The following PRAG1 variants were observed in gnomAD, a reference collection of about 807,000 sequenced individuals.
The protein encoded by PRAG1 is inactive tyrosine-protein kinase PRAG1.
A neutral mutation model predicts 95.6 loss-of-function variants in PRAG1; 110 were observed. The observed-to-expected ratio is 1.15, with a 90% CI of 0.99 to 1.35. The LOEUF (loss-of-function observed/expected upper bound fraction) is 1.35, where lower values mean the gene tolerates loss of function less well. Ranked by LOEUF, PRAG1 falls within the 40% of genes most tolerant of loss-of-function variation. The probability of loss-of-function intolerance (pLI) is 0.00; values close to 1 mark genes in which losing one functional copy is unlikely to be tolerated. For missense variants in PRAG1, 2,554 were observed against 1,864.7 expected, an observed-to-expected ratio of 1.37 and a Z score of -6.81; for synonymous variants, 1,052 against 819.4, an observed-to-expected ratio of 1.28 and a Z score of -4.85.
intron 1 of PRAG1, among the ~76,000 whole-genome samples, chr8:8,384,608 CAA>C (rs11400182): frequency 0.41 from 38,511 of 93,068 alleles, 6,511 homozygotes; most frequent in East Asian, 0.72. Context: ...CGCATGCAGC[CAA>C]AAAAAAAAAA....
intron 4 of PRAG1, among the ~76,000 whole-genome samples, chr8:8,337,217 T>C (rs9329269): frequency 0.32 from 48,526 of 151,862 alleles, 8,116 homozygotes; most frequent in African/African-American, 0.43. Flanking sequence ...ACTAGTTCTT[T>C]TTCTATTTGG....
chr8:8,346,306 G>C (rs1158674686), intron 3 of PRAG1, among the ~76,000 whole-genome samples: 2 of 152,230 alleles, frequency 1.3e-5, no homozygotes, highest in Admixed American at 6.5e-5. Context: ...TCTACAGTGA[G>C]AGTACAGTCT....
At chr8:8,378,373 A>C (rs1003704083) in intron 2 of PRAG1, among the ~76,000 whole-genome samples, 24 of 152,294 alleles carry the variant, frequency 1.6e-4, no homozygotes, top group African/African-American at 5.5e-4. Context: ...AGAAAAATAT[A>C]ACTCTGAAAA....
rs199707534 is a variant in PRAG1 at position 8,328,309 on chromosome 8, C to G, written c.2473G>C (p.Ala825Pro). The G allele has an allele frequency of 9.4e-5, 151 of 1,613,822 alleles. No homozygotes were observed. The East Asian group carries it at 3.1e-3, about 33-fold the overall frequency. ...LPQKKIVSRA[A>P]SSPDGFFWTQ... ...CAGAAGAAGCCATCCGGTGAAGAGG[C>G]TGCCCGGCTCACTATCTTTTTCTGG... The change falls in exon 5 of 6, where the codon GCC becomes CCC. Residue 825 changes from alanine to proline, a missense_variant. Coordinates refer to ENST00000615670, the MANE Select transcript of PRAG1 (RefSeq NM_001080826.3).
intron 3 of PRAG1, among the ~76,000 whole-genome samples, chr8:8,343,020 G>A (rs1433513226): frequency 6.6e-6 from 1 of 151,974 alleles, no homozygotes; most frequent in African/African-American, 2.4e-5. Context: ...TACTAATAAA[G>A]TACTGGTAGG....
intron 2 of PRAG1, 131 bp from the exon 3 acceptor site, chr8:8,378,209 G>T: frequency 1.9e-6 from 2 of 1,070,206 alleles, no homozygotes; most frequent in East Asian, 2.7e-5. Context: ...GGGCGCTGGG[G>T]CCGGGGACTC....
intron 5 of PRAG1, among the ~76,000 whole-genome samples, chr8:8,323,166 T>C (rs1798526802): frequency 6.6e-6 from 1 of 152,148 alleles, no homozygotes; most frequent in Non-Finnish European, 1.5e-5. Context: ...AACATGCACA[T>C]TGGGTGATAT....
intron 3 of PRAG1, among the ~76,000 whole-genome samples, chr8:8,362,857 C>G (rs1337664650): frequency 6.6e-6 from 1 of 151,980 alleles, no homozygotes; most frequent in African/African-American, 2.4e-5. Context: ...GCTAACAATC[C>G]AAAACTTTCC....
At position 8,328,174 on chromosome 8, in the gene PRAG1, T is replaced by G. The variant is rs892490300; in HGVS notation, c.2608A>C (p.Asn870His). The G allele has an allele frequency of 6.2e-7, 1 of 1,614,016 alleles. No individual in the cohort carries two copies. Among genetic ancestry groups the G allele is most frequent in the African/African-American group, 1.3e-5 (1 of 74,900 alleles). The stretch of plus-strand genomic sequence containing the variant: ...GAGGAGAAGACAGGATGGTGGCGGT[T>G]CCCGGGGCTCAACGAATAGCTAAAG... ...SHFSYSLSPG[N>H]RHHPVFSSSD... Residue 870 changes from asparagine (N) to histidine (H), a missense_variant, in exon 5 of 6, where the codon AAC (asparagine) becomes CAC (histidine). Asn to His is a moderately conservative substitution (Grantham distance 68, BLOSUM62 1). Coordinates refer to ENST00000615670, the MANE Select transcript of PRAG1 (RefSeq NM_001080826.3).
chr8:8,359,091 G>A (rs1353982159), intron 3 of PRAG1, among the ~76,000 whole-genome samples: 1 of 152,130 alleles, frequency 6.6e-6, no homozygotes, highest in Non-Finnish European at 1.5e-5. Flanking sequence ...TAGTCTTTAA[G>A]ATAAACTATT....
At chr8:8,339,187 C>A (rs1039891750) in intron 4 of PRAG1, among the ~76,000 whole-genome samples, 1 of 152,154 alleles carries the variant, frequency 6.6e-6, no homozygotes. Flanking sequence ...CAGGCCTGTA[C>A]ACAGATGGCT....
Position 8,345,042 on chromosome 8 carries a change from G to A in PRAG1, c.2163-5407C>T, listed in dbSNP as rs1012013015. ...CCTGTGATTACAGGATAAATTATCC[G>A]CAGGGTGTGTGTGTGTGTGTGTGTG... On this transcript the variant is annotated intron_variant, in intron 3 of 5. Coordinates refer to ENST00000615670, the MANE Select transcript of PRAG1 (RefSeq NM_001080826.3). Among the ~76,000 whole-genome samples, 84 of 120,974 alleles carry A rather than the reference G, an allele frequency of 6.9e-4. 2 individuals are homozygous for A. The highest frequency in any genetic ancestry group is 5.6e-3 in the Admixed American group (70 of 12,442). The allele number at this position is 120,974 out of a possible 152,430, so 79.4% of individuals were successfully genotyped here.
chr8:8,335,329 C>T (rs1464400465), intron 4 of PRAG1, among the ~76,000 whole-genome samples: 17 of 152,058 alleles, frequency 1.1e-4, no homozygotes. Flanking sequence ...GAAAAATAAG[C>T]AGCAATTTCA....
intron 3 of PRAG1, among the ~76,000 whole-genome samples, chr8:8,345,755 A>C (rs1320092598): frequency 6.6e-6 from 1 of 152,190 alleles, no homozygotes; most frequent in African/African-American, 2.4e-5. Context: ...AGATGGCACC[A>C]CTGCACTCCA....
intron 4 of PRAG1, among the ~76,000 whole-genome samples, chr8:8,334,966 G>C (rs1321832964): frequency 6.6e-6 from 1 of 151,882 alleles, no homozygotes; most frequent in Admixed American, 6.6e-5. Flanking sequence ...TGCAGTCCTA[G>C]CTGCTGAGGC....
At chr8:8,349,416 T>C (rs891352838) in intron 3 of PRAG1, among the ~76,000 whole-genome samples, 2 of 151,924 alleles carry the variant, frequency 1.3e-5, no homozygotes, top group African/African-American at 4.8e-5. Context: ...GAGTAGCTGG[T>C]ACTACAGGCG....
intron 3 of PRAG1, among the ~76,000 whole-genome samples, chr8:8,343,590 C>G (rs1338110639): frequency 6.6e-6 from 1 of 152,116 alleles, no homozygotes; most frequent in Middle Eastern, 3.2e-3. Flanking sequence ...ATTAATGTTT[C>G]TTATTGTGGG....
intron 3 of PRAG1, among the ~76,000 whole-genome samples, chr8:8,373,387 G>C (rs1393714603): frequency 6.6e-6 from 1 of 151,298 alleles, no homozygotes; most frequent in African/African-American, 2.4e-5. Flanking sequence ...ATATATTCTA[G>C]TTTATTTTGA....
intron 4 of PRAG1, among the ~76,000 whole-genome samples, chr8:8,334,095 T>C (rs1585229066): frequency 6.6e-6 from 1 of 152,212 alleles, no homozygotes; most frequent in South Asian, 2.1e-4. Context: ...ATCTCTTGTT[T>C]GGTTCCACAG....
Sources: allele counts gnomAD v4.1 joint callset (sites outside exome capture counted in the v4.1 genomes callset), GRCh38; gene constraint gnomAD v4.1.1; transcripts MANE v1.5; gene names NCBI Gene and HGNC (gene_info 2026-07-23, HGNC 2026-07-21).